Variants in ADGRV1 observed in about 807,000 individuals in gnomAD.
ADGRV1 encodes G-protein coupled receptor 98.
A neutral mutation model predicts 596.2 loss-of-function variants in ADGRV1; 359 were observed. That is an observed-to-expected ratio of 0.60 (90% CI 0.55 to 0.66). ADGRV1 has a LOEUF of 0.66. ADGRV1 is among the 30% of genes least tolerant of loss of function. The pLI is 0.00. For synonymous variants in ADGRV1, 2,681 were observed against 2,679.2 expected (o/e 1.00, Z -0.02); for missense variants, 7,274 against 7,575.6 (o/e 0.96, Z 1.48).
chr5:91,001,337 C>G (rs530246796), intron 85 of ADGRV1, among the ~76,000 whole-genome samples: 1 of 152,246 alleles, frequency 6.6e-6, no homozygotes, highest in Admixed American at 6.5e-5. Flanking sequence ...CATGACCTCC[C>G]AAAGTGCTGA....
chr5:90,998,695 G>C (rs1326104497), intron 85 of ADGRV1, among the ~76,000 whole-genome samples: 1 of 152,038 alleles, frequency 6.6e-6, no homozygotes, highest in Non-Finnish European at 1.5e-5. Context: ...TACTTTAAAA[G>C]ATATTGTCAA....
rs41315920 is a variant in ADGRV1, at chr5:90,863,878, T to C, written c.17856+21T>C. ...CACAGGTAGGAGAGCGCTGGCATTT[T>C]TGATTTATCGTGAGATGTTTGTGTT... is the stretch of plus-strand genomic sequence containing the variant. On this transcript the variant is annotated intron_variant, in intron 83 of 89. Coordinates refer to ENST00000405460, the MANE Select transcript of ADGRV1 (RefSeq NM_032119.4). 8.2e-6 allele frequency: 12 copies of C among 1,463,924 alleles called. No homozygotes were observed. In the East Asian group the frequency reaches 2.7e-4, roughly 33 times the overall value. 90.7% of individuals were successfully genotyped at this position (1,463,924 alleles called of 1,614,324 possible).
At chr5:90,922,046 A>G (rs1187869189) in intron 83 of ADGRV1, among the ~76,000 whole-genome samples, 1 of 151,916 alleles carries the variant, frequency 6.6e-6, no homozygotes, top group Non-Finnish European at 1.5e-5. Context: ...GTGGGTAGCC[A>G]CCCCCTCGCC....
chr5:90,870,924 T>C (rs1768605753), intron 83 of ADGRV1, among the ~76,000 whole-genome samples: 1 of 152,228 alleles, frequency 6.6e-6, no homozygotes, highest in African/African-American at 2.4e-5. Flanking sequence ...TAATTTGAAT[T>C]TTTTAGGTCT....
At chr5:90,697,800 G>A (rs1337297357) in intron 34 of ADGRV1, among the ~76,000 whole-genome samples, 1 of 147,008 alleles carries the variant, frequency 6.8e-6, no homozygotes, top group African/African-American at 2.7e-5. Context: ...GAGTAAGCCT[G>A]TTTTGGGGTA....
At chr5:90,790,338 A>G (rs753609638) in intron 69 of ADGRV1, among the ~76,000 whole-genome samples, 15 of 152,312 alleles carry the variant, frequency 9.8e-5, no homozygotes, top group Non-Finnish European at 2.1e-4. Flanking sequence ...TGCAGGAAAA[A>G]CATATTTTGT....
At position 91,122,329 on chromosome 5, in the gene ADGRV1, T is replaced by C. The variant is rs558788513; in HGVS notation, c.18432+19989T>C. Among the ~76,000 whole-genome samples the C allele has an allele frequency of 3.3e-5, 5 of 152,352 alleles. No homozygotes were observed. In the East Asian group the frequency reaches 9.6e-4, roughly 29 times the overall value. ...GTGGAAATATAATTCTTTTAACGAA[T>C]ACATTTCACAGTGGCATTTCCCAAA... On this transcript the variant is annotated intron_variant, in intron 87 of 89. Coordinates refer to ENST00000405460, the MANE Select transcript of ADGRV1 (RefSeq NM_032119.4).
rs780296904 is a variant in ADGRV1, at chr5:90,644,782, A to G, written c.2811A>G (p.Thr937=). 2.5e-6 allele frequency: 4 copies of G among 1,611,870 alleles called. No individual in the cohort carries two copies. The highest frequency in any genetic ancestry group is 1.1e-5 in the South Asian group (1 of 90,198). ...CATGGGTGGTTAGTCCAGACTTTAC[A>G]CAAGATGTATTTCCTGTACAAGGGA... ...SVSWVVSPDF[T]QDVFPVQGTV... Residue 937 remains threonine (T), a synonymous_variant, in exon 15 of 90, where the codon ACA becomes ACG. Transcript: ENST00000405460.
At chr5:91,018,478 A>G (rs1351994987) in intron 85 of ADGRV1, among the ~76,000 whole-genome samples, 1 of 152,118 alleles carries the variant, frequency 6.6e-6, no homozygotes, top group East Asian at 1.9e-4. Context: ...TATGTTACAC[A>G]GTATCTTGAC....
At chr5:90,820,555 G>A (rs969312094) in intron 75 of ADGRV1, among the ~76,000 whole-genome samples, 210 of 151,806 alleles carry the variant, frequency 1.4e-3, no homozygotes, top group African/African-American at 3.9e-3. Context: ...GGCTGGTACC[G>A]GTTGTTCCTT....
chr5:91,055,172 G>A (rs978936167), intron 85 of ADGRV1, among the ~76,000 whole-genome samples: 2 of 152,082 alleles, frequency 1.3e-5, no homozygotes, highest in Non-Finnish European at 2.9e-5. Context: ...TTGCTCTTCT[G>A]AGAAATGGTA....
At chr5:90,771,588 G>C (rs773849063) in intron 59 of ADGRV1, among the ~76,000 whole-genome samples, 6 of 152,096 alleles carry the variant, frequency 3.9e-5, no homozygotes, top group East Asian at 1.9e-4. Context: ...AAAATTAAAG[G>C]CTTTAAATTT....
At chr5:90,645,927 G>A in intron 15 of ADGRV1, 41 bp from the exon 16 acceptor site, 5 of 1,495,756 alleles carry the variant, frequency 3.3e-6, no homozygotes, top group Non-Finnish European at 4.5e-6. Context: ...TAATTTATAT[G>A]TATAAGTCAC....
chr5:90,666,170 G>C (rs1771337448), intron 21 of ADGRV1, among the ~76,000 whole-genome samples: 1 of 150,586 alleles, frequency 6.6e-6, no homozygotes, highest in African/African-American at 2.4e-5. Context: ...GGGTATCCTT[G>C]TTGACTTTCT....
chr5:91,097,064 A>G (rs75938142), intron 86 of ADGRV1, among the ~76,000 whole-genome samples: 1 of 152,326 alleles, frequency 6.6e-6, no homozygotes, highest in African/African-American at 2.4e-5. Flanking sequence ...AAGCTTCAGT[A>G]TCTCAGTATG....
At chr5:90,727,992 G>T (rs1371953880) in intron 48 of ADGRV1, among the ~76,000 whole-genome samples, 3 of 152,066 alleles carry the variant, frequency 2.0e-5, no homozygotes. Flanking sequence ...CTTAATTATT[G>T]ATATGTTTCT....
At chr5:91,007,956 C>T (rs1305442412) in intron 85 of ADGRV1, among the ~76,000 whole-genome samples, 2 of 152,000 alleles carry the variant, frequency 1.3e-5, no homozygotes, top group African/African-American at 4.8e-5. Context: ...ATTTTTTACT[C>T]AACTTTCAAG....
intron 4 of ADGRV1, among the ~76,000 whole-genome samples, chr5:90,621,507 A>G (rs1194338365): frequency 1.3e-4 from 20 of 152,204 alleles, no homozygotes; most frequent in Non-Finnish European, 1.5e-5. Context: ...TTAATGATGA[A>G]GCAGGCTCCC....
chr5:90,765,136 C>A (rs1224095441), intron 59 of ADGRV1, among the ~76,000 whole-genome samples: 1 of 152,092 alleles, frequency 6.6e-6, no homozygotes, highest in Non-Finnish European at 1.5e-5. Flanking sequence ...TGGCTCTCTT[C>A]CCCCAGTTTT....
Sources: gnomAD v4.1 joint callset for allele counts (sites outside exome capture counted in the v4.1 genomes callset) on GRCh38, gnomAD v4.1.1 for gene constraint, MANE v1.5 for transcripts, NCBI Gene and HGNC (gene_info 2026-07-23, HGNC 2026-07-21) for gene names.